ERBB4: variants seen among roughly 807,000 people sequenced by gnomAD.
ERBB4 encodes the protein receptor tyrosine-protein kinase erbB-4.
A neutral mutation model predicts 158.0 loss-of-function variants in ERBB4; 42 were observed. The observed-to-expected ratio is 0.27, with a 90% confidence interval of 0.21 to 0.34. The LOEUF is 0.34. Among genes scored for constraint, ERBB4 ranks in the 10% least tolerant of loss-of-function variants. The pLI is 1.00. For synonymous variants in ERBB4, 583 were observed against 558.7 expected (o/e 1.04, Z -0.61); for missense variants, 1,333 against 1,624.1 (o/e 0.82, Z 3.08).
chr2:211,675,792 T>TTATATATA (rs34492305), intron 13 of ERBB4, among the ~76,000 whole-genome samples: 1,731 of 93,544 alleles, frequency 0.019, 60 homozygotes, highest in African/African-American at 0.05. Flanking sequence ...AAATATAATA[T>TTATATATA]TATATATATA....
At chr2:211,772,884 T>TATATACACATATATATATAC (rs1559504561) in intron 4 of ERBB4, among the ~76,000 whole-genome samples, 1 of 83,064 alleles carries the variant, frequency 1.2e-5, no homozygotes, top group African/African-American at 4.8e-5. Context: ...TATATATATA[T>TATATACACATATATATATAC]ACACACACAC....
intron 1 of ERBB4, among the ~76,000 whole-genome samples, chr2:212,175,929 G>C (rs1305014769): frequency 6.6e-6 from 1 of 151,898 alleles, no homozygotes; most frequent in Non-Finnish European, 1.5e-5. Flanking sequence ...AAGACCAATT[G>C]CAAGTCAAAA....
At chr2:212,371,613 A>G (rs914071534) in intron 1 of ERBB4, among the ~76,000 whole-genome samples, 3 of 152,198 alleles carry the variant, frequency 2.0e-5, no homozygotes, top group African/African-American at 7.2e-5. Flanking sequence ...GATAATTTCA[A>G]TAACTACCCT....
chr2:212,343,358 A>T (rs2088815894), intron 1 of ERBB4, among the ~76,000 whole-genome samples: 2 of 152,188 alleles, frequency 1.3e-5, no homozygotes. Flanking sequence ...TCATTGTGTC[A>T]CAGTCCAGAG....
In ERBB4 at chr2:211,968,316, T is replaced by C. The variant is rs1294159969; in HGVS notation, c.235-20700A>G. Reference sequence around the variant, plus strand: ...TTCATGAAAATCATTTTTCTTGTTCTGGATAGTGAAGCAAATGAAGCATCA... The same window carrying C: ...TTCATGAAAATCATTTTTCTTGTTCCGGATAGTGAAGCAAATGAAGCATCA... On this transcript the variant is annotated intron_variant, in intron 2 of 27. Coordinates refer to ENST00000342788, the MANE Select transcript of ERBB4 (RefSeq NM_005235.3). Among the ~76,000 whole-genome samples the C allele has an allele frequency of 7.2e-5, 11 of 152,066 alleles. No homozygotes were observed. The East Asian group carries it at 2.1e-3, about 29-fold the overall frequency.
At chr2:212,207,221 T>TA (rs1349219455) in intron 1 of ERBB4, among the ~76,000 whole-genome samples, 4 of 152,068 alleles carry the variant, frequency 2.6e-5, no homozygotes, top group Admixed American at 6.6e-5. Flanking sequence ...AGAGCTTCAT[T>TA]AAAAAAATCC....
At position 211,982,333 on chromosome 2, in the gene ERBB4, T is replaced by C. The variant is rs564989324; in HGVS notation, c.235-34717A>G. Among the ~76,000 whole-genome samples, 7 of 152,254 alleles carry C rather than the reference T, an allele frequency of 4.6e-5. No homozygotes were observed. The South Asian group carries it at 1.5e-3, about 32-fold the overall frequency. ...AGGAAGTTCTAAGTGAGTCAGTGTT[T>C]CCTAGAGGCTGCCTTGAGAAAGTGA... On this transcript the variant is annotated intron_variant, in intron 2 of 27. Transcript: ENST00000342788.
chr2:211,400,677 C>CCA (rs1469688969), intron 25 of ERBB4, among the ~76,000 whole-genome samples: 9 of 122,708 alleles, frequency 7.3e-5, no homozygotes, highest in Non-Finnish European at 1.1e-4. Context: ...TTAATGGGTA[C>CCA]AAAAAAAAAA....
intron 1 of ERBB4, among the ~76,000 whole-genome samples, chr2:212,538,029 G>A (rs1693199730): frequency 6.6e-6 from 1 of 152,166 alleles, no homozygotes; most frequent in Non-Finnish European, 1.5e-5. Flanking sequence ...GCTCGGGAGA[G>A]GCCCAGCCAG....
intron 3 of ERBB4, among the ~76,000 whole-genome samples, chr2:211,931,502 G>C (rs1359128781): frequency 6.6e-6 from 1 of 151,908 alleles, no homozygotes; most frequent in African/African-American, 2.4e-5. Context: ...GTAATGTCAT[G>C]TCCTCACTTG....
At chr2:212,009,482 T>C (rs1295791555) in intron 2 of ERBB4, among the ~76,000 whole-genome samples, 2 of 151,944 alleles carry the variant, frequency 1.3e-5, no homozygotes, top group Non-Finnish European at 2.9e-5. Context: ...ACTTTGATTT[T>C]GGCCTTATGA....
intron 2 of ERBB4, among the ~76,000 whole-genome samples, chr2:212,039,928 T>C (rs1347635848): frequency 6.6e-6 from 1 of 152,044 alleles, no homozygotes; most frequent in Admixed American, 6.6e-5. Flanking sequence ...GCATGCTAAA[T>C]AACAAAATAT....
chr2:212,244,402 C>T (rs1279143691), intron 1 of ERBB4, among the ~76,000 whole-genome samples: 1 of 152,074 alleles, frequency 6.6e-6, no homozygotes, highest in Non-Finnish European at 1.5e-5. Flanking sequence ...AGACATACAA[C>T]TGTGATCTTG....
intron 1 of ERBB4, among the ~76,000 whole-genome samples, chr2:212,239,404 T>G (rs914209892): frequency 6.6e-6 from 1 of 152,194 alleles, no homozygotes; most frequent in Non-Finnish European, 1.5e-5. Flanking sequence ...TCTGACATGG[T>G]TGTGTGAATG....
At chr2:211,580,512 T>C (rs2068035726) in intron 19 of ERBB4, among the ~76,000 whole-genome samples, 1 of 151,690 alleles carries the variant, frequency 6.6e-6, no homozygotes, top group African/African-American at 2.4e-5. Flanking sequence ...GATGTTGGCA[T>C]GGATGCAGTG....
chr2:211,596,926 A>G (rs2125804793), intron 19 of ERBB4, among the ~76,000 whole-genome samples: 1 of 152,140 alleles, frequency 6.6e-6, no homozygotes, highest in Non-Finnish European at 1.5e-5. Flanking sequence ...CACCATGCCC[A>G]GCTAATCTTT....
At chr2:212,268,951 T>C (rs2085248622) in intron 1 of ERBB4, among the ~76,000 whole-genome samples, 1 of 151,866 alleles carries the variant, frequency 6.6e-6, no homozygotes, top group African/African-American at 2.4e-5. Context: ...GAGTTTAACT[T>C]CTGTCTATTC....
chr2:212,472,666 C>T (rs950591550), intron 1 of ERBB4, among the ~76,000 whole-genome samples: 7 of 151,722 alleles, frequency 4.6e-5, no homozygotes, highest in African/African-American at 1.7e-4. Context: ...TTTGAAACTG[C>T]TACTCTACAA....
intron 25 of ERBB4, among the ~76,000 whole-genome samples, chr2:211,409,609 G>C (rs775849887): frequency 2.5e-4 from 38 of 152,052 alleles, no homozygotes; most frequent in Non-Finnish European, 1.3e-4. Context: ...GGCATAAATC[G>C]AGCAGGGGCT....
Sources: allele counts gnomAD v4.1 joint callset (sites outside exome capture counted in the v4.1 genomes callset), GRCh38; gene constraint gnomAD v4.1.1; transcripts MANE v1.5; gene names NCBI Gene and HGNC (gene_info 2026-07-23, HGNC 2026-07-21).